COLGALT2: variants seen among roughly 807,000 people sequenced by gnomAD.
COLGALT2 encodes procollagen galactosyltransferase 2.
Under a neutral mutation model 73.4 loss-of-function variants are expected in COLGALT2, and 49 were observed. That is an observed-to-expected ratio of 0.67 (90% CI 0.53 to 0.85). COLGALT2 has a LOEUF of 0.85. Among genes scored for constraint, COLGALT2 ranks in the 40% least tolerant of loss-of-function variants. COLGALT2 has a pLI of 0.00. For missense variants in COLGALT2, 722 were observed against 790.2 expected (o/e 0.91, Z 1.03); for synonymous variants, 295 against 307.6 (o/e 0.96, Z 0.43).
chr1:183,934,211 T>A (rs544674255), downstream of COLGALT2, among the ~76,000 whole-genome samples: 1 of 152,356 alleles, frequency 6.6e-6, no homozygotes, highest in East Asian at 1.9e-4. Flanking sequence ...TCTTGCTCTG[T>A]CCCTGGGATA....
In COLGALT2 at chr1:183,945,881, A is replaced by G. The variant is rs539754558; in HGVS notation, c.1137-317T>C. ...GTTAAAGTACTGCAATAATCCAAGG[A>G]GTGTTTGATCAAGACCTACTGCTGA... On this transcript the variant is annotated intron_variant, in intron 8 of 11. Transcript: ENST00000361927. The G allele has an allele frequency of 1.6e-4, 45 of 287,420 alleles. 2 individuals are homozygous for G. The Middle Eastern group carries it at 5.4e-3, about 35-fold the overall frequency. 17.8% of individuals were successfully genotyped at this position (287,420 alleles called of 1,614,324 possible).
chr1:183,981,390 T>G (rs1047003677), intron 1 of COLGALT2, among the ~76,000 whole-genome samples: 1 of 152,094 alleles, frequency 6.6e-6, no homozygotes, highest in Non-Finnish European at 1.5e-5. Flanking sequence ...CGGTGGCTCA[T>G]GCCCGCAATT....
chr1:183,972,510 C>G (rs1671068250), intron 4 of COLGALT2, among the ~76,000 whole-genome samples: 1 of 151,880 alleles, frequency 6.6e-6, no homozygotes. Flanking sequence ...ATATAACCAG[C>G]CATGAGCATT....
chr1:183,962,999 T>C (rs1670757853), intron 6 of COLGALT2, among the ~76,000 whole-genome samples: 1 of 152,212 alleles, frequency 6.6e-6, no homozygotes, highest in African/African-American at 2.4e-5. Flanking sequence ...ACCCCCGTGC[T>C]CTACTGATGA....
intron 1 of COLGALT2, among the ~76,000 whole-genome samples, chr1:184,019,100 T>G (rs779791765): frequency 2.1e-4 from 32 of 152,176 alleles, no homozygotes; most frequent in Non-Finnish European, 3.7e-4. Context: ...TCTATTCCGA[T>G]TTTTGGCTTC....
At position 183,937,747 on chromosome 1, in the gene COLGALT2, C is replaced by T. The variant is rs1669996542; in HGVS notation, c.*1014G>A. ...TGCCTTATCCTAAAGACAATATCTT[C>T]GCCCATTTTGTAAAATAAATAATTC... On this transcript the variant is annotated 3_prime_UTR_variant, in exon 12 of 12. Transcript: ENST00000361927. 3 of 985,238 alleles carry T rather than the reference C, an allele frequency of 3.0e-6. No homozygotes were observed. The highest frequency in any genetic ancestry group is 3.6e-6 in the Non-Finnish European group (3 of 829,898). The allele number at this position is 985,238 out of a possible 1,614,324, so 61.0% of individuals were successfully genotyped here.
At chr1:183,985,771 A>G (rs1488881579) in intron 1 of COLGALT2, among the ~76,000 whole-genome samples, 1 of 152,200 alleles carries the variant, frequency 6.6e-6, no homozygotes, top group Non-Finnish European at 1.5e-5. Context: ...TACATTCCCC[A>G]GAGGCTCAAG....
intron 7 of COLGALT2, among the ~76,000 whole-genome samples, chr1:183,953,729 T>C (rs901049699): frequency 7.2e-5 from 11 of 152,326 alleles, no homozygotes; most frequent in East Asian, 3.9e-4. Context: ...GGAAATACCA[T>C]AGTAGCTGTT....
intron 1 of COLGALT2, among the ~76,000 whole-genome samples, chr1:184,003,429 A>G (rs1671982630): frequency 1.3e-5 from 2 of 152,314 alleles, no homozygotes; most frequent in Middle Eastern, 3.4e-3. Flanking sequence ...TCTACTACCG[A>G]TAGATGCTCT....
Position 183,935,998 on chromosome 1 carries a change from C to T in COLGALT2, c.*2763G>A, listed in dbSNP as rs1001529776. On this transcript the variant is annotated 3_prime_UTR_variant, in exon 12 of 12. Transcript: ENST00000361927. ...GCAGCAGGCCTGAATGAACCGCAAG[C>T]GGGGCCCATGCAGCGTGTCCTCTGC... The T allele has an allele frequency of 1.2e-4, 114 of 985,266 alleles. No homozygotes were observed. Among genetic ancestry groups the T allele is most frequent in the Admixed American group, 1.2e-4 (2 of 16,256 alleles). 61.0% of individuals were successfully genotyped at this position (985,266 alleles called of 1,614,324 possible).
At chr1:183,929,668 AG>A (rs943455979), downstream of COLGALT2, among the ~76,000 whole-genome samples, 3 of 152,212 alleles carry the variant, frequency 2.0e-5, no homozygotes, top group Non-Finnish European at 4.4e-5. Context: ...TCCTGATTTC[AG>A]GGGGACTGAG....
chr1:183,956,851 C>T (rs1670567531), intron 6 of COLGALT2, among the ~76,000 whole-genome samples: 1 of 152,160 alleles, frequency 6.6e-6, no homozygotes, highest in African/African-American at 2.4e-5. Flanking sequence ...CAGAGGAAAA[C>T]AGGAAGTGAT....
In COLGALT2 at chr1:184,037,463, C is replaced by T; in HGVS notation, c.-106G>A. 1.7e-6 allele frequency: 2 copies of T among 1,206,246 alleles called. No homozygotes were observed. The highest frequency in any genetic ancestry group is 2.1e-6 in the Non-Finnish European group (2 of 973,012). 74.7% of individuals were successfully genotyped at this position (1,206,246 alleles called of 1,614,324 possible). A position where few individuals can be genotyped will look rare whatever the true frequency, so the allele number is the denominator to read the frequency against. On this transcript the variant is annotated 5_prime_UTR_variant, in exon 1 of 12. Transcript: ENST00000361927. ...GGAGCAAGGGGCTGCGAGGGGCGGC[C>T]GGGGGATGCGGCTTGCCGCGGCCGG... is the stretch of plus-strand genomic sequence containing the variant.
intron 1 of COLGALT2, among the ~76,000 whole-genome samples, chr1:184,000,732 G>C (rs891051675): frequency 2.0e-5 from 3 of 150,524 alleles, no homozygotes; most frequent in African/African-American, 7.3e-5. Context: ...CTCAATTTTT[G>C]TTTATCTGAA....
intron 1 of COLGALT2, among the ~76,000 whole-genome samples, chr1:183,987,375 T>C (rs186940432): frequency 3.0e-4 from 45 of 152,354 alleles, no homozygotes; most frequent in Admixed American, 7.2e-4. Context: ...ACTAGTTAAA[T>C]GTAGCACTGG....
At chr1:184,004,943 A>G (rs2102841930) in intron 1 of COLGALT2, among the ~76,000 whole-genome samples, 1 of 152,338 alleles carries the variant, frequency 6.6e-6, no homozygotes, top group South Asian at 2.1e-4. Context: ...TCATATCATG[A>G]AGTTTGTGAA....
In COLGALT2 at chr1:184,011,445, T is replaced by A. The variant is rs56925277; in HGVS notation, c.263+25650A>T. 9.1e-3 allele frequency among the ~76,000 whole-genome samples: 1,389 copies of A among 152,250 alleles called. 13 individuals carry two copies. The highest frequency in any genetic ancestry group is 0.031 in the African/African-American group (1,303 of 41,542). ...AACTCACTCCAGAGTAATTCCAACC[T>A]CCAGTTACCTTCCAATCTGTCTGCT... On this transcript the variant is annotated intron_variant, in intron 1 of 11. Coordinates refer to ENST00000361927, the MANE Select transcript of COLGALT2 (RefSeq NM_015101.4).
chr1:183,983,699 A>G (rs1671414147), intron 1 of COLGALT2, among the ~76,000 whole-genome samples: 1 of 152,242 alleles, frequency 6.6e-6, no homozygotes, highest in Admixed American at 6.5e-5. Flanking sequence ...TAGGAAGCTG[A>G]GAACCCAGAA....
At chr1:184,013,170 C>T (rs1648867433) in intron 1 of COLGALT2, among the ~76,000 whole-genome samples, 1 of 152,172 alleles carries the variant, frequency 6.6e-6, no homozygotes, top group Non-Finnish European at 1.5e-5. Context: ...CAAAAATTAG[C>T]TGGGTGTGGT....
Sources: allele counts gnomAD v4.1 joint callset (sites outside exome capture counted in the v4.1 genomes callset), GRCh38; gene constraint gnomAD v4.1.1; transcripts MANE v1.5; gene names NCBI Gene and HGNC (gene_info 2026-07-23, HGNC 2026-07-21).